The following ERN1 variants were observed in gnomAD, a reference collection of about 807,000 sequenced individuals.
The protein encoded by ERN1 is endoplasmic reticulum to nucleus signaling 1, also known as serine/threonine-protein kinase/endoribonuclease IRE1.
Under a neutral mutation model 113.1 loss-of-function variants are expected in ERN1, and 39 were observed. The observed-to-expected ratio is 0.34, with a 90% CI of 0.27 to 0.45. The LOEUF (loss-of-function observed/expected upper bound fraction) is 0.45. Among genes scored for constraint, ERN1 ranks in the 20% least tolerant of loss-of-function variants. The probability of loss-of-function intolerance (pLI) is 1.00; values close to 1 mark genes in which losing one functional copy is unlikely to be tolerated. For synonymous variants in ERN1, 507 were observed against 515.9 expected, an observed-to-expected ratio of 0.98 and a Z score of 0.23; for missense variants, 976 against 1,274.8, an observed-to-expected ratio of 0.77 and a Z score of 3.57.
At chr17:64,106,769 C>T (rs1256322612) in intron 1 of ERN1, among the ~76,000 whole-genome samples, 1 of 148,730 alleles carries the variant, frequency 6.7e-6, no homozygotes. Flanking sequence ...CACACAAGCT[C>T]GCTGTCTCTT....
In ERN1 at chr17:64,043,711, T is replaced by G; in HGVS notation, c.*277A>C. On this transcript the variant is annotated 3_prime_UTR_variant, in exon 22 of 22. Coordinates refer to ENST00000433197, the MANE Select transcript of ERN1 (RefSeq NM_001433.5). ...AGTTTATCCAGTAGATGGCTGGGGG[T>G]GCTACTCGCGCTGTCTCTGAGGCCC... 2.9e-6 allele frequency: 1 copy of G among 350,052 alleles called. No homozygotes were observed. Among genetic ancestry groups the G allele is most frequent in the Non-Finnish European group, 5.1e-6 (1 of 195,174 alleles). 21.7% of individuals were successfully genotyped at this position (350,052 alleles called of 1,614,324 possible).
intron 1 of ERN1, among the ~76,000 whole-genome samples, chr17:64,123,788 TAAAA>T (rs893598929): frequency 6.6e-6 from 1 of 150,752 alleles, no homozygotes; most frequent in African/African-American, 2.4e-5. Context: ...AGTGAAAAAA[TAAAA>T]AAAAATAAAA....
At chr17:64,129,071 A>C (rs1033717601) in intron 1 of ERN1, 8 of 152,136 alleles carry the variant, frequency 5.3e-5, no homozygotes, top group African/African-American at 1.9e-4. Context: ...TTTTGTGAAA[A>C]ACATTCGCTA....
intron 1 of ERN1, among the ~76,000 whole-genome samples, chr17:64,127,432 T>C (rs1915108740): frequency 6.6e-6 from 1 of 152,160 alleles, no homozygotes; most frequent in South Asian, 2.1e-4. Context: ...GCTGTCCCCA[T>C]TTCACCTATC....
chr17:64,126,830 A>C (rs1383824746), intron 1 of ERN1, among the ~76,000 whole-genome samples: 1 of 151,958 alleles, frequency 6.6e-6, no homozygotes. Flanking sequence ...TTCTATACAC[A>C]CATGATCCTC....
At chr17:64,066,391 T>A (rs2143375072) in intron 8 of ERN1, among the ~76,000 whole-genome samples, 1 of 152,260 alleles carries the variant, frequency 6.6e-6, no homozygotes, top group South Asian at 2.1e-4. Context: ...TCCTCCCACC[T>A]CAGCCTCTCA....
Position 64,055,537 on chromosome 17 carries a change from A to AC in ERN1, c.1672+137dup, listed in dbSNP as rs1555613165. ...ATGGGGCAGAAGCCTTCCCACAGAG[A>AC]CCCCCAGAGTGGAAGTTAGAGGAGA... On this transcript the variant is annotated intron_variant, in intron 13 of 21. Transcript: ENST00000433197. The AC allele has an allele frequency of 3.2e-5, 26 of 819,520 alleles. No individual in the cohort carries two copies. In the East Asian group the frequency reaches 7.6e-4, roughly 24 times the overall value. 50.8% of individuals were successfully genotyped at this position (819,520 alleles called of 1,614,324 possible).
chr17:64,092,371 G>A (rs182225337), intron 2 of ERN1, among the ~76,000 whole-genome samples: 2 of 152,252 alleles, frequency 1.3e-5, no homozygotes, highest in Non-Finnish European at 2.9e-5. Flanking sequence ...AGACACTCAC[G>A]TGAGAATAAA....
chr17:64,045,462 T>G lies in ERN1; in HGVS notation c.2550A>C (p.Glu850Asp). 1 of 1,613,974 alleles carries G rather than the reference T, an allele frequency of 6.2e-7. No individual in the cohort carries two copies. Among genetic ancestry groups the G allele is most frequent in the Non-Finnish European group, 8.5e-7 (1 of 1,179,882 alleles). ...QFFQDVSDRI[E>D]KESLDGPIVK... is the part of the protein sequence containing the mutation. ...CGATCGGGCCATCCAGGGATTCCTT[T>G]TCTATTCTGTCGCTCACGTCCTGTG... The change falls in exon 20 of 22, where the codon GAA (glutamate) becomes GAC (aspartate). Residue 850 changes from glutamate (E) to aspartate (D), a missense_variant. Transcript: ENST00000433197.
rs754850512 is a variant in ERN1, at chr17:64,058,007, G to C, written c.1207-14C>G. 2.6e-6 allele frequency: 4 copies of C among 1,513,748 alleles called. No individual in the cohort carries two copies. In the African/African-American group the frequency reaches 4.2e-5, roughly 16 times the overall value. 93.8% of individuals were successfully genotyped at this position (1,513,748 alleles called of 1,614,324 possible). A position where few individuals can be genotyped will look rare whatever the true frequency, so the allele number is the denominator to read the frequency against. ...CAGGTTGATAACCTTGCATGGGAGAGAGTTGCGACATCACTGCAAAATTTC... is the reference window on the plus strand; with the variant it reads ...CAGGTTGATAACCTTGCATGGGAGACAGTTGCGACATCACTGCAAAATTTC... On this transcript the variant is annotated splice_polypyrimidine_tract_variant and intron_variant, in intron 11 of 21. Coordinates refer to ENST00000433197, the MANE Select transcript of ERN1 (RefSeq NM_001433.5).
intron 4 of ERN1, among the ~76,000 whole-genome samples, chr17:64,078,829 AC>A (rs1913678822): frequency 6.6e-6 from 1 of 151,638 alleles, no homozygotes; most frequent in South Asian, 2.1e-4. Context: ...ATATGATGAA[AC>A]CCCATTTCTA....
rs745334757 is a variant in ERN1, at chr17:64,054,232, T to TA, written c.1953+17dup. Reference sequence around the variant, plus strand: ...TATGACTTTAATAAAGTTAACAAAATAAAAAAAATAAATCCACCTCTTGCA... The same window carrying TA: ...TATGACTTTAATAAAGTTAACAAAATAAAAAAAAATAAATCCACCTCTTGCA... On this transcript the variant is annotated intron_variant, in intron 15 of 21. Coordinates refer to ENST00000433197, the MANE Select transcript of ERN1 (RefSeq NM_001433.5). The surrounding 1 kb of genome is among the most constrained non-coding windows in gnomAD (Gnocchi z 4.9). The TA allele has an allele frequency of 1.1e-5, 17 of 1,586,428 alleles. No individual in the cohort carries two copies. The highest frequency in any genetic ancestry group is 4.6e-5 in the East Asian group (2 of 43,510).
chr17:64,097,378 A>G (rs925022529), intron 2 of ERN1, among the ~76,000 whole-genome samples: 2 of 152,270 alleles, frequency 1.3e-5, no homozygotes, highest in Non-Finnish European at 2.9e-5. Flanking sequence ...AATGAGTCAC[A>G]GAGTAGTGAC....
intron 17 of ERN1, 151 bp downstream of exon 17, chr17:64,052,629 C>A: frequency 3.2e-6 from 2 of 615,618 alleles, no homozygotes; most frequent in Admixed American, 3.0e-5. Context: ...TGAGATGACA[C>A]AGAATGTTCA....
At chr17:64,094,432 T>C (rs910350819) in intron 2 of ERN1, among the ~76,000 whole-genome samples, 2 of 152,216 alleles carry the variant, frequency 1.3e-5, no homozygotes, top group African/African-American at 4.8e-5. Flanking sequence ...TTATTTCTTT[T>C]TGAAACTGTG....
chr17:64,045,474 G>A lies in ERN1; in HGVS notation c.2538C>T (p.Ser846=), dbSNP rs751720267. 2.0e-5 allele frequency: 32 copies of A among 1,613,736 alleles called. No homozygotes were observed. The highest frequency in any genetic ancestry group is 4.0e-5 in the African/African-American group (3 of 74,902). ...EKQLQFFQDV[S]DRIEKESLDG... The stretch of plus-strand genomic sequence containing the variant: ...CCAGGGATTCCTTTTCTATTCTGTC[G>A]CTCACGTCCTGTGAGAGAAACAAGG... Residue 846 remains serine (S), a synonymous_variant, in exon 20 of 22, where the codon AGC becomes AGT. Coordinates refer to ENST00000433197, the MANE Select transcript of ERN1 (RefSeq NM_001433.5).
At chr17:64,071,214 G>A (rs190006922) in intron 6 of ERN1, among the ~76,000 whole-genome samples, 4 of 152,252 alleles carry the variant, frequency 2.6e-5, no homozygotes, top group Non-Finnish European at 5.9e-5. Context: ...TGGGAGAGCC[G>A]GGTGTTCCTG....
At chr17:64,053,989 G>T in intron 15 of ERN1, 2 of 391,722 alleles carry the variant, frequency 5.1e-6, no homozygotes, top group South Asian at 3.7e-5. Flanking sequence ...GTCCAGGCTG[G>T]AGTGCAGTGG....
intron 8 of ERN1, among the ~76,000 whole-genome samples, chr17:64,066,058 T>C (rs1007537201): frequency 2.6e-5 from 4 of 152,070 alleles, no homozygotes; most frequent in Non-Finnish European, 4.4e-5. Flanking sequence ...ATATATAAAG[T>C]AGGAAACTGA....
Sources: gnomAD v4.1 joint callset for allele counts (sites outside exome capture counted in the v4.1 genomes callset) on GRCh38, gnomAD v4.1.1 for gene constraint, Gnocchi (gnomAD v3.1) non-coding constraint, MANE v1.5 for transcripts, NCBI Gene and HGNC (gene_info 2026-07-23, HGNC 2026-07-21) for gene names.